Variants in FNBP1 observed in about 807,000 individuals in gnomAD.
FNBP1 encodes formin binding protein 1.
Under a neutral mutation model 90.6 loss-of-function variants are expected in FNBP1, and 26 were observed. The ratio of observed to expected loss-of-function variants is 0.29; its 90% CI spans 0.21 to 0.40. The LOEUF (loss-of-function observed/expected upper bound fraction) is 0.40, where lower values mean the gene tolerates loss of function less well. FNBP1 is among the 10% of genes least tolerant of loss of function. The pLI, the probability that FNBP1 is intolerant of heterozygous loss-of-function variation, is 1.00. For missense variants in FNBP1, 635 were observed against 768.0 expected, an observed-to-expected ratio of 0.83 and a Z score of 2.05; for synonymous variants, 260 against 265.2, an observed-to-expected ratio of 0.98 and a Z score of 0.19.
At chr9:130,040,350 G>T (rs1196208628) in intron 1 of FNBP1, among the ~76,000 whole-genome samples, 1 of 152,170 alleles carries the variant, frequency 6.6e-6, no homozygotes, top group Non-Finnish European at 1.5e-5. Flanking sequence ...CAAGCGTGGT[G>T]GCTCACGCCT....
chr9:130,035,213 C>G (rs1230156859), intron 1 of FNBP1, among the ~76,000 whole-genome samples: 1 of 152,196 alleles, frequency 6.6e-6, no homozygotes. Flanking sequence ...TCCACCTCAT[C>G]TTTTGAGTCG....
At chr9:130,011,692 T>G (rs1200684199) in intron 1 of FNBP1, among the ~76,000 whole-genome samples, 1 of 152,190 alleles carries the variant, frequency 6.6e-6, no homozygotes, top group Non-Finnish European at 1.5e-5. Flanking sequence ...AGAAATAAAT[T>G]TCTGTTGTTT....
At chr9:129,953,805 T>C (rs1204579283) in intron 6 of FNBP1, among the ~76,000 whole-genome samples, 1 of 136,164 alleles carries the variant, frequency 7.3e-6, no homozygotes, top group Admixed American at 8.0e-5. Flanking sequence ...AAGGTAATGA[T>C]AGAAGGAGAA....
At chr9:129,921,423 T>C (rs958096387) in intron 10 of FNBP1, among the ~76,000 whole-genome samples, 8 of 151,778 alleles carry the variant, frequency 5.3e-5, no homozygotes, top group Admixed American at 1.3e-4. Context: ...AGACAGAGTC[T>C]TGCTCTGTCG....
chr9:130,005,491 G>A (rs562180913), intron 1 of FNBP1, among the ~76,000 whole-genome samples: 4 of 151,652 alleles, frequency 2.6e-5, no homozygotes, highest in South Asian at 2.1e-4. Context: ...ACAGACGCCC[G>A]CCACCACACC....
intron 4 of FNBP1, among the ~76,000 whole-genome samples, chr9:129,962,089 T>A (rs2047926377): frequency 6.6e-6 from 1 of 152,164 alleles, no homozygotes; most frequent in Non-Finnish European, 1.5e-5. Flanking sequence ...TACCTGCAGC[T>A]TCTCCTCACT....
upstream of FNBP1, among the ~76,000 whole-genome samples, chr9:130,043,455 A>T (rs1488909134): frequency 6.6e-6 from 1 of 152,248 alleles, no homozygotes; most frequent in Admixed American, 6.5e-5. Flanking sequence ...TGCTCGCAGT[A>T]CTAGCGCTTG....
chr9:129,916,102 AC>A lies in FNBP1; in HGVS notation c.1171-123del, dbSNP rs113867109. The A allele has an allele frequency of 2.8e-3, 1,903 of 683,292 alleles. 28 individuals carry two copies. The African/African-American group carries it at 0.03, about 11-fold the overall frequency. 42.3% of individuals were successfully genotyped at this position (683,292 alleles called of 1,614,324 possible). A position where few individuals can be genotyped will look rare whatever the true frequency, so the allele number is the denominator to read the frequency against. On this transcript the variant is annotated intron_variant, in intron 10 of 16. Coordinates refer to ENST00000446176, the MANE Select transcript of FNBP1 (RefSeq NM_015033.3). ...GTCAGTTCCGCCATATTAAAATAAC[AC>A]ACACGTCTACCCGCTGATTTATAAA...
upstream of FNBP1, among the ~76,000 whole-genome samples, chr9:130,047,042 T>C (rs958304018): frequency 1.3e-5 from 2 of 152,088 alleles, no homozygotes; most frequent in Non-Finnish European, 2.9e-5. Context: ...GGGGGCAGTC[T>C]TGAGGACCAA....
At chr9:130,036,669 A>G (rs547357008) in intron 1 of FNBP1, among the ~76,000 whole-genome samples, 1 of 152,186 alleles carries the variant, frequency 6.6e-6, no homozygotes, top group Non-Finnish European at 1.5e-5. Context: ...GTTCTGCCCT[A>G]CCCACCATGG....
chr9:130,041,576 T>C lies in FNBP1; in HGVS notation c.24+1376A>G, dbSNP rs2059821212. ...GCCTAAACTGGTGTGTGCAAATATT[T>C]TAAACTATTTTATTTTCAAAATGGA... On this transcript the variant is annotated intron_variant, in intron 1 of 16. Transcript: ENST00000446176. The surrounding 1 kb of genome is among the most constrained non-coding windows in gnomAD (Gnocchi z 4.3). Among the ~76,000 whole-genome samples the C allele has an allele frequency of 6.6e-6, 1 of 152,212 alleles. No homozygotes were observed. Among genetic ancestry groups the C allele is most frequent in the Non-Finnish European group, 1.5e-5 (1 of 68,040 alleles).
At chr9:129,893,598 G>C (rs1326908143) in intron 16 of FNBP1, among the ~76,000 whole-genome samples, 1 of 48,248 alleles carries the variant, frequency 2.1e-5, no homozygotes, top group Non-Finnish European at 4.2e-5. Context: ...AGGTGACAGA[G>C]TGAGACTCTG....
chr9:129,998,799 T>G (rs1016528146), intron 1 of FNBP1, among the ~76,000 whole-genome samples: 1 of 152,170 alleles, frequency 6.6e-6, no homozygotes, highest in Non-Finnish European at 1.5e-5. Context: ...ACCTTAAAAA[T>G]TACTGGCCTC....
Position 129,888,011 on chromosome 9 carries a change from G to A in FNBP1, c.*2528C>T, listed in dbSNP as rs2034847629. The A allele has an allele frequency of 4.3e-6, 1 of 232,650 alleles. No homozygotes were observed. 14.4% of individuals were successfully genotyped at this position (232,650 alleles called of 1,614,324 possible). A position where few individuals can be genotyped will look rare whatever the true frequency, so the allele number is the denominator to read the frequency against. On this transcript the variant is annotated 3_prime_UTR_variant, in exon 17 of 17. Transcript: ENST00000446176. ...GGGGCAGCAGTGAGCTTTTCATGGA[G>A]CCACGCAGACTGGCCCGGAAGCAAC...
chr9:129,943,384 C>CTTTTT (rs11415197), intron 6 of FNBP1, among the ~76,000 whole-genome samples: 11 of 102,656 alleles, frequency 1.1e-4, no homozygotes, highest in Non-Finnish European at 1.8e-4. Context: ...TCATTAATTG[C>CTTTTT]TTTTTTTTTT....
At chr9:130,019,405 A>G (rs1409417263) in intron 1 of FNBP1, among the ~76,000 whole-genome samples, 1 of 152,148 alleles carries the variant, frequency 6.6e-6, no homozygotes, top group Non-Finnish European at 1.5e-5. Context: ...ATTAGATTGC[A>G]TAGGTTTCAT....
chr9:129,992,981 C>T (rs2053434905), intron 2 of FNBP1, among the ~76,000 whole-genome samples: 1 of 148,128 alleles, frequency 6.8e-6, no homozygotes, highest in African/African-American at 2.5e-5. Context: ...AATCCCAGCA[C>T]TTTGGGAGAC....
At chr9:129,945,408 T>C (rs2045105558) in intron 6 of FNBP1, among the ~76,000 whole-genome samples, 1 of 152,372 alleles carries the variant, frequency 6.6e-6, no homozygotes, top group Non-Finnish European at 1.5e-5. Flanking sequence ...TAAATTGTTA[T>C]AGTGAACAAT....
Position 129,890,873 on chromosome 9 carries a change from G to A in FNBP1, c.1847-327C>T, listed in dbSNP as rs1035692896. Among the ~76,000 whole-genome samples the A allele has an allele frequency of 1.3e-5, 2 of 152,172 alleles. No homozygotes were observed. Among genetic ancestry groups the A allele is most frequent in the Non-Finnish European group, 2.9e-5 (2 of 68,024 alleles). ...TGAGAGAAAGTAAGAAACGGAGGCC[G>A]GGGCTGGGCGCCGTGGCTCATGCCT... On this transcript the variant is annotated intron_variant, in intron 16 of 16. Transcript: ENST00000446176. This position sits in a 1 kb window ranked among gnomAD's most constrained non-coding sequence, Gnocchi z 5.8.
Sources: gnomAD v4.1 joint callset for allele counts (sites outside exome capture counted in the v4.1 genomes callset) on GRCh38, gnomAD v4.1.1 for gene constraint, Gnocchi (gnomAD v3.1) non-coding constraint, MANE v1.5 for transcripts, NCBI Gene and HGNC (gene_info 2026-07-23, HGNC 2026-07-21) for gene names.